The following MYO5A variants were observed in gnomAD, a reference collection of about 807,000 sequenced individuals.
The protein encoded by MYO5A is unconventional myosin-Va.
A neutral mutation model predicts 249.7 loss-of-function variants in MYO5A; 98 were observed. The ratio of observed to expected loss-of-function variants is 0.39; its 90% CI spans 0.33 to 0.46. MYO5A has a LOEUF of 0.46. Ranked by LOEUF, MYO5A falls within the 20% of genes least tolerant of loss-of-function variation. MYO5A has a pLI of 0.98. For missense variants in MYO5A, 1,696 were observed against 2,308.8 expected, an observed-to-expected ratio of 0.73 and a Z score of 5.44; for synonymous variants, 778 against 810.6, an observed-to-expected ratio of 0.96 and a Z score of 0.68.
chr15:52,471,565 G>A (rs1470318315), intron 1 of MYO5A, among the ~76,000 whole-genome samples: 1 of 143,566 alleles, frequency 7.0e-6, no homozygotes, highest in African/African-American at 2.7e-5. Context: ...GGCCAGCCTG[G>A]GCAACACAGC....
intron 2 of MYO5A, among the ~76,000 whole-genome samples, chr15:52,432,163 T>C (rs909196285): frequency 5.3e-5 from 8 of 152,224 alleles, no homozygotes; most frequent in Non-Finnish European, 1.2e-4. Context: ...CTTCCTTCCC[T>C]ATAGAAGAAT....
intron 30 of MYO5A, among the ~76,000 whole-genome samples, chr15:52,344,091 G>A (rs182304126): frequency 1.2e-4 from 18 of 152,186 alleles, no homozygotes; most frequent in African/African-American, 4.3e-4. Flanking sequence ...CTGGAGTCCA[G>A]GTTCTTACTC....
chr15:52,392,800 A>G (rs1446040765), intron 11 of MYO5A, among the ~76,000 whole-genome samples: 1 of 152,264 alleles, frequency 6.6e-6, no homozygotes, highest in Non-Finnish European at 1.5e-5. Context: ...TGTTGCCCTC[A>G]TGGAGCTTGG....
chr15:52,341,396 T>C (rs560644406), intron 31 of MYO5A, among the ~76,000 whole-genome samples: 31 of 152,112 alleles, frequency 2.0e-4, no homozygotes, highest in Non-Finnish European at 4.1e-4. Context: ...ACCAAAAAAG[T>C]GGTTATTGCT....
At position 52,375,336 on chromosome 15, in the gene MYO5A, G is replaced by A. The variant is rs1366254531; in HGVS notation, c.2545C>T (p.Arg849Ter). Residue 849 changes from arginine to a stop codon, truncating the protein, a stop_gained, in exon 20 of 42, where the codon CGA (arginine) becomes TGA (stop). Coordinates refer to ENST00000399233, the MANE Select transcript of MYO5A (RefSeq NM_001382347.1). LOFTEE classifies it high-confidence loss of function. The stretch of plus-strand genomic sequence containing the variant: ...TACCTATTTCTGGCCAAGAAGCCTC[G>A]CAAGTAAGACTGAAGAACGATAGTG... ...AATIVLQSYLRGFLARNRYRK... is the reference protein window; with the variant it reads ...AATIVLQSYL 6.2e-7 allele frequency: 1 copy of A among 1,614,022 alleles called. No homozygotes were observed. The highest frequency in any genetic ancestry group is 8.5e-7 in the Non-Finnish European group (1 of 1,179,958).
At chr15:52,517,184 G>C (rs1195722990) in intron 1 of MYO5A, among the ~76,000 whole-genome samples, 2 of 152,178 alleles carry the variant, frequency 1.3e-5, no homozygotes, top group Non-Finnish European at 2.9e-5. Flanking sequence ...TTTTTAAAAT[G>C]AAGTGAATGT....
intron 1 of MYO5A, among the ~76,000 whole-genome samples, chr15:52,485,025 A>G (rs557754861): frequency 3.9e-5 from 6 of 152,214 alleles, no homozygotes; most frequent in South Asian, 2.1e-4. Flanking sequence ...CCCAGCCTCA[A>G]TGTTGTCTTT....
At chr15:52,357,424 G>A (rs1169654487) in intron 25 of MYO5A, among the ~76,000 whole-genome samples, 2 of 150,012 alleles carry the variant, frequency 1.3e-5, no homozygotes, top group African/African-American at 5.0e-5. Flanking sequence ...TTATTAAAAT[G>A]GGATGGTGTT....
At chr15:52,428,308 C>G in intron 3 of MYO5A, 90 bp downstream of exon 3, 1 of 1,367,298 alleles carries the variant, frequency 7.3e-7, no homozygotes, top group Non-Finnish European at 1.0e-6. Context: ...AATCCAACCA[C>G]AGCCTGCTTT....
chr15:52,391,817 T>C, intron 12 of MYO5A, 113 bp downstream of exon 12: 1 of 1,127,922 alleles, frequency 8.9e-7, no homozygotes, highest in South Asian at 1.3e-5. Context: ...CCCCTACTTG[T>C]CACCACGACG....
intron 3 of MYO5A, among the ~76,000 whole-genome samples, chr15:52,426,646 G>A (rs990909230): frequency 6.6e-6 from 1 of 151,978 alleles, no homozygotes; most frequent in Admixed American, 6.6e-5. Flanking sequence ...TATTTTTTTT[G>A]TAGAGACAGG....
At chr15:52,327,192 T>C (rs2038649457) in intron 36 of MYO5A, among the ~76,000 whole-genome samples, 1 of 152,246 alleles carries the variant, frequency 6.6e-6, no homozygotes, top group Admixed American at 6.5e-5. Flanking sequence ...TCTATTTTAA[T>C]TTCAGCATCA....
intron 20 of MYO5A, among the ~76,000 whole-genome samples, chr15:52,374,520 G>T (rs1335775501): frequency 6.6e-6 from 1 of 152,254 alleles, no homozygotes; most frequent in Non-Finnish European, 1.5e-5. Flanking sequence ...CTTCAGATGG[G>T]AGGATTATCC....
intron 25 of MYO5A, among the ~76,000 whole-genome samples, chr15:52,358,297 GTACT>G (rs1393118894): frequency 6.6e-6 from 1 of 152,150 alleles, no homozygotes; most frequent in Non-Finnish European, 1.5e-5. Flanking sequence ...GCTTGTAAAT[GTACT>G]TCCCTCCGAC....
Position 52,388,002 on chromosome 15 carries a change from GC to G in MYO5A, c.1669-91del, listed in dbSNP as rs539185866. The G allele has an allele frequency of 2.0e-5, 19 of 972,896 alleles. No individual in the cohort carries two copies. In the South Asian group the frequency reaches 2.3e-4, roughly 12 times the overall value. 60.3% of individuals were successfully genotyped at this position (972,896 alleles called of 1,614,324 possible). On this transcript the variant is annotated intron_variant, in intron 13 of 41. Transcript: ENST00000399233. ...TAATAAGAATCTTTATTAGTCTCAG[GC>G]TATACGATCAACTCTCAGCAAACTG...
chr15:52,377,666 G>A (rs1443465963), intron 18 of MYO5A, among the ~76,000 whole-genome samples: 4 of 151,326 alleles, frequency 2.6e-5, no homozygotes, highest in East Asian at 2.0e-4. Context: ...CGCCTTCTGG[G>A]TTCAAGCGAC....
chr15:52,528,677 G>T (rs2077769320), intron 1 of MYO5A, 103 bp downstream of exon 1: 3 of 1,328,764 alleles, frequency 2.3e-6, no homozygotes, highest in Admixed American at 5.7e-5. Flanking sequence ...TGGCGCTGGT[G>T]GGGCTCGCCT....
At chr15:52,473,615 C>A (rs1207571284) in intron 1 of MYO5A, among the ~76,000 whole-genome samples, 1 of 152,208 alleles carries the variant, frequency 6.6e-6, no homozygotes, top group Non-Finnish European at 1.5e-5. Context: ...CTACATATGG[C>A]TACCCAGTTT....
chr15:52,330,707 C>A (rs1290723440), intron 34 of MYO5A, among the ~76,000 whole-genome samples: 4 of 152,212 alleles, frequency 2.6e-5, no homozygotes, highest in African/African-American at 9.7e-5. Context: ...CTGAAAGCCA[C>A]TCCTGCCTAA....
Sources: gnomAD v4.1 joint callset for allele counts (sites outside exome capture counted in the v4.1 genomes callset) on GRCh38, gnomAD v4.1.1 for gene constraint, MANE v1.5 for transcripts, NCBI Gene and HGNC (gene_info 2026-07-23, HGNC 2026-07-21) for gene names.